GPER1: variants seen among roughly 807,000 people sequenced by gnomAD.
The protein encoded by GPER1 is G protein-coupled receptor 30.
A neutral mutation model predicts 0.6 loss-of-function variants in GPER1; 2 were observed. The ratio of observed to expected loss-of-function variants is 3.41; its 90% CI spans 1.39 to 10.72. The LOEUF (loss-of-function observed/expected upper bound fraction) is 10.72, where lower values mean the gene tolerates loss of function less well. Ranked by LOEUF, GPER1 falls within the 30% of genes most tolerant of loss-of-function variation. The pLI is 0.04. For synonymous variants in GPER1, 263 were observed against 247.6 expected (o/e 1.06, Z -0.58); for missense variants, 441 against 535.2 (o/e 0.82, Z 1.74).
chr7:1,092,208 C>G lies in GPER1; in HGVS notation c.480C>G (p.Ala160=). Residue 160 remains alanine, a synonymous_variant, in exon 2 of 2, where the codon GCC becomes GCG. Coordinates refer to ENST00000397088, the MANE Select transcript of GPER1 (RefSeq NM_001098201.3). ...WMSFDRYIAL[A]RAMRCSLFRT... is the part of the protein sequence containing the mutation. ...GCTTCGACCGCTACATCGCCCTGGC[C>G]AGGGCCATGCGCTGCAGCCTGTTCC... 6.2e-7 allele frequency: 1 copy of G among 1,613,104 alleles called. No homozygotes were observed. The highest frequency in any genetic ancestry group is 8.5e-7 in the Non-Finnish European group (1 of 1,180,040).
chr7:1,091,509 T>C lies in GPER1; in HGVS notation c.-220T>C, dbSNP rs1156975801. ...CGCGGAGGGCCCTCGCCTCCACGGA[T>C]GCACCATGCCGGTGTGAGGAGCATC... On this transcript the variant is annotated 5_prime_UTR_variant, in exon 2 of 2. The change abolishes an upstream ATG in the 5' untranslated region. Coordinates refer to ENST00000397088, the MANE Select transcript of GPER1 (RefSeq NM_001098201.3). 3.8e-6 allele frequency: 2 copies of C among 527,890 alleles called. No individual in the cohort carries two copies. The highest frequency in any genetic ancestry group is 3.8e-5 in the African/African-American group (2 of 52,468). 32.7% of individuals were successfully genotyped at this position (527,890 alleles called of 1,614,324 possible).
chr7:1,092,098 TACG>T lies in GPER1; in HGVS notation c.373_375del (p.Asp125del), dbSNP rs1788050004. ...GGTGTTCAACCTGCACGAGCGGTAC[TACG>T]ACATCGCCGTCCTGTGCACCTTCAT... On this transcript the variant is annotated inframe_deletion, in exon 2 of 2. Coordinates refer to ENST00000397088, the MANE Select transcript of GPER1 (RefSeq NM_001098201.3). The T allele has an allele frequency of 1.2e-6, 2 of 1,613,856 alleles. No homozygotes were observed. Among genetic ancestry groups the T allele is most frequent in the Non-Finnish European group, 1.7e-6 (2 of 1,180,020 alleles).
chr7:1,089,145 A>T (rs2128225259), intron 1 of GPER1, among the ~76,000 whole-genome samples: 1 of 152,366 alleles, frequency 6.6e-6, no homozygotes, highest in South Asian at 2.1e-4. Flanking sequence ...GCCGTTTTTA[A>T]GAAATTAAAT....
rs187037378 is a variant in GPER1 at position 1,092,576 on chromosome 7, T to C, written c.848T>C (p.Leu283Pro). 6.2e-7 allele frequency: 1 copy of C among 1,610,934 alleles called. No individual in the cohort carries two copies. Among genetic ancestry groups the C allele is most frequent in the Non-Finnish European group, 8.5e-7 (1 of 1,179,998 alleles). The change falls in exon 2 of 2, where the codon CTC becomes CCC. Residue 283 changes from leucine (L) to proline (P), a missense_variant. Transcript: ENST00000397088. Reference protein sequence around the residue: ...LPENVFISVHLLQRTQPGAAP... With the variant: ...LPENVFISVHPLQRTQPGAAP... ...GAGAACGTCTTCATCAGCGTGCACC[T>C]CCTGCAGCGGACGCAGCCTGGGGCC... is the stretch of plus-strand genomic sequence containing the variant.
Position 1,093,381 on chromosome 7 carries a change from G to A in GPER1, c.*525G>A, listed in dbSNP as rs185131562. 6.4e-5 allele frequency: 28 copies of A among 440,798 alleles called. No individual in the cohort carries two copies. Among genetic ancestry groups the A allele is most frequent in the Middle Eastern group, 4.3e-4 (1 of 2,310 alleles). 27.3% of individuals were successfully genotyped at this position (440,798 alleles called of 1,614,324 possible). ...GGTCTGAGCTAGCTAGCGCACCGCCGAGTTAAAGAGGAGAAGGAAAACATG... is the reference window on the plus strand; with the variant it reads ...GGTCTGAGCTAGCTAGCGCACCGCCAAGTTAAAGAGGAGAAGGAAAACATG... On this transcript the variant is annotated 3_prime_UTR_variant, in exon 2 of 2. Transcript: ENST00000397088.
chr7:1,088,978 G>A lies in GPER1; in HGVS notation c.-323+657G>A, dbSNP rs1352644949. 1.1e-4 allele frequency among the ~76,000 whole-genome samples: 16 copies of A among 151,972 alleles called. No homozygotes were observed. The highest frequency in any genetic ancestry group is 5.2e-4 in the Admixed American group (8 of 15,268). ...TACATGGGAAAGAAATGAATGACTC[G>A]TTTTTAAACTATTTTTCCCTTGGAG... On this transcript the variant is annotated intron_variant, in intron 1 of 1. Coordinates refer to ENST00000397088, the MANE Select transcript of GPER1 (RefSeq NM_001098201.3). The surrounding 1 kb of genome is among the most constrained non-coding windows in gnomAD (Gnocchi z 4.5).
chr7:1,088,645 C>T lies in GPER1; in HGVS notation c.-323+324C>T, dbSNP rs991514746. Among the ~76,000 whole-genome samples, 1 of 152,212 alleles carries T rather than the reference C, an allele frequency of 6.6e-6. No individual in the cohort carries two copies. The highest frequency in any genetic ancestry group is 1.5e-5 in the Non-Finnish European group (1 of 68,038). ...AAGAAAATGAGGGTGCCCACTCTGC[C>T]CTGCCCTGCGGTGCCCCAGTCACTC... On this transcript the variant is annotated intron_variant, in intron 1 of 1. Coordinates refer to ENST00000397088, the MANE Select transcript of GPER1 (RefSeq NM_001098201.3). The surrounding 1 kb of genome is among the most constrained non-coding windows in gnomAD (Gnocchi z 4.5).
At chr7:1,089,837 C>G (rs1282676636) in intron 1 of GPER1, among the ~76,000 whole-genome samples, 1 of 151,660 alleles carries the variant, frequency 6.6e-6, no homozygotes, top group East Asian at 1.9e-4. Context: ...AATCCCAGCA[C>G]CGTGGGAGGC....
rs1352644949 is a variant in GPER1, at chr7:1,088,978, G to C, written c.-323+657G>C. Among the ~76,000 whole-genome samples, 1 of 151,972 alleles carries C rather than the reference G, an allele frequency of 6.6e-6. No homozygotes were observed. The highest frequency in any genetic ancestry group is 2.4e-5 in the African/African-American group (1 of 41,360). On this transcript the variant is annotated intron_variant, in intron 1 of 1. Coordinates refer to ENST00000397088, the MANE Select transcript of GPER1 (RefSeq NM_001098201.3). This position sits in a 1 kb window ranked among gnomAD's most constrained non-coding sequence, Gnocchi z 4.5. ...TACATGGGAAAGAAATGAATGACTCGTTTTTAAACTATTTTTCCCTTGGAG... is the reference window on the plus strand; with the variant it reads ...TACATGGGAAAGAAATGAATGACTCCTTTTTAAACTATTTTTCCCTTGGAG...
Position 1,092,661 on chromosome 7 carries a change from C to T in GPER1, c.933C>T (p.Leu311=), listed in dbSNP as rs772524763. 1.8e-5 allele frequency: 29 copies of T among 1,613,064 alleles called. No homozygotes were observed. In the Middle Eastern group the frequency reaches 4.9e-4, roughly 27 times the overall value. Residue 311 remains leucine, a synonymous_variant, in exon 2 of 2, where the codon CTC becomes CTT. Coordinates refer to ENST00000397088, the MANE Select transcript of GPER1 (RefSeq NM_001098201.3). ...CCCTCACGGGCCACATTGTCAACCT[C>T]GCCGCCTTCTCCAACAGCTGCCTAA... ...AHPLTGHIVN[L]AAFSNSCLNP...
At position 1,093,093 on chromosome 7, in the gene GPER1, G is replaced by A. The variant is rs549783931; in HGVS notation, c.*237G>A. 20 of 674,010 alleles carry A rather than the reference G, an allele frequency of 3.0e-5. No individual in the cohort carries two copies. Among genetic ancestry groups the A allele is most frequent in the South Asian group, 1.2e-4 (8 of 66,410 alleles). The allele number at this position is 674,010 out of a possible 1,614,324, so 41.8% of individuals were successfully genotyped here. ...GCTACAATCCCAAAGCGCTCGCCCC[G>A]CAGGGTCCAAAGGCCAGCGGTGACC... On this transcript the variant is annotated 3_prime_UTR_variant, in exon 2 of 2. Transcript: ENST00000397088.
rs1179671076 is a variant in GPER1, at chr7:1,093,767, G to A, written c.*911G>A. 4.5e-6 allele frequency: 2 copies of A among 443,200 alleles called. No homozygotes were observed. The highest frequency in any genetic ancestry group is 4.9e-5 in the Admixed American group (2 of 41,160). 27.5% of individuals were successfully genotyped at this position (443,200 alleles called of 1,614,324 possible). ...ATAAAATGTAAGAAAAGCTGATGAG[G>A]CTGGTGACGTTCAGCCTTTGTCAAT... On this transcript the variant is annotated 3_prime_UTR_variant, in exon 2 of 2. Transcript: ENST00000397088.
chr7:1,090,575 C>T lies in GPER1; in HGVS notation c.-322-832C>T, dbSNP rs540052412. 5.4e-5 allele frequency among the ~76,000 whole-genome samples: 8 copies of T among 148,364 alleles called. No individual in the cohort carries two copies. The East Asian group carries it at 7.8e-4, about 14-fold the overall frequency. On this transcript the variant is annotated intron_variant, in intron 1 of 1. Coordinates refer to ENST00000397088, the MANE Select transcript of GPER1 (RefSeq NM_001098201.3). ...GCGGCAGAGCCGGGGTGACACGGGG[C>T]GGGTGACGGGACCTCTCCACTGGCG...
Position 1,093,049 on chromosome 7 carries a change from G to C in GPER1, c.*193G>C, listed in dbSNP as rs73050449. The C allele has an allele frequency of 1.1e-5, 8 of 713,146 alleles. No homozygotes were observed. The highest frequency in any genetic ancestry group is 1.8e-5 in the Non-Finnish European group (7 of 385,762). The allele number at this position is 713,146 out of a possible 1,614,324, so 44.2% of individuals were successfully genotyped here. A position where few individuals can be genotyped will look rare whatever the true frequency, so the allele number is the denominator to read the frequency against. ...AGGAAACCTCACGACTGGTCACCTTGCACTCCTCACACAGAATTGCTACAA... is the reference window on the plus strand; with the variant it reads ...AGGAAACCTCACGACTGGTCACCTTCCACTCCTCACACAGAATTGCTACAA... On this transcript the variant is annotated 3_prime_UTR_variant, in exon 2 of 2. Transcript: ENST00000397088.
At position 1,093,083 on chromosome 7, in the gene GPER1, C is replaced by T. The variant is rs1481867364; in HGVS notation, c.*227C>T. Reference sequence around the variant, plus strand: ...ACACAGAATTGCTACAATCCCAAAGCGCTCGCCCCGCAGGGTCCAAAGGCC... The same window carrying T: ...ACACAGAATTGCTACAATCCCAAAGTGCTCGCCCCGCAGGGTCCAAAGGCC... On this transcript the variant is annotated 3_prime_UTR_variant, in exon 2 of 2. Coordinates refer to ENST00000397088, the MANE Select transcript of GPER1 (RefSeq NM_001098201.3). 4 of 688,038 alleles carry T rather than the reference C, an allele frequency of 5.8e-6. No individual in the cohort carries two copies. Among genetic ancestry groups the T allele is most frequent in the East Asian group, 2.9e-5 (1 of 35,026 alleles). 42.6% of individuals were successfully genotyped at this position (688,038 alleles called of 1,614,324 possible). A position where few individuals can be genotyped will look rare whatever the true frequency, so the allele number is the denominator to read the frequency against.
In GPER1 at chr7:1,093,306, A is replaced by G. The variant is rs1788217473; in HGVS notation, c.*450A>G. ...TGGGGGAACTGACGCTGGAGATGCA[A>G]GGTGCTGGTGGGTCTGAGCTGGACG... On this transcript the variant is annotated 3_prime_UTR_variant, in exon 2 of 2. Coordinates refer to ENST00000397088, the MANE Select transcript of GPER1 (RefSeq NM_001098201.3). 2 of 427,292 alleles carry G rather than the reference A, an allele frequency of 4.7e-6. No individual in the cohort carries two copies. Among genetic ancestry groups the G allele is most frequent in the Non-Finnish European group, 9.8e-6 (2 of 203,300 alleles). 26.5% of individuals were successfully genotyped at this position (427,292 alleles called of 1,614,324 possible). A position where few individuals can be genotyped will look rare whatever the true frequency, so the allele number is the denominator to read the frequency against.
Position 1,093,503 on chromosome 7 carries a change from C to T in GPER1, c.*647C>T. 2.1e-6 allele frequency: 1 copy of T among 470,680 alleles called. No individual in the cohort carries two copies. Among genetic ancestry groups the T allele is most frequent in the Non-Finnish European group, 4.4e-6 (1 of 227,040 alleles). The allele number at this position is 470,680 out of a possible 1,614,324, so 29.2% of individuals were successfully genotyped here. A position where few individuals can be genotyped will look rare whatever the true frequency, so the allele number is the denominator to read the frequency against. On this transcript the variant is annotated 3_prime_UTR_variant, in exon 2 of 2. Coordinates refer to ENST00000397088, the MANE Select transcript of GPER1 (RefSeq NM_001098201.3). ...GCCCACGAGGAGCAGCAGCGCTCGG[C>T]CCGGAGCAGCAGGAAGGCCCCTCTG...
intron 1 of GPER1, among the ~76,000 whole-genome samples, chr7:1,091,034 T>C (rs535187592): frequency 1.8e-4 from 28 of 152,292 alleles, no homozygotes; most frequent in Admixed American, 4.6e-4. Flanking sequence ...GCTGCTGAAA[T>C]GCATTTTCCC....
At chr7:1,087,607 G>A (rs1787516047), upstream of GPER1, among the ~76,000 whole-genome samples, 1 of 152,206 alleles carries the variant, frequency 6.6e-6, no homozygotes, top group South Asian at 2.1e-4. Flanking sequence ...GGACTGTGGG[G>A]CACTCTGGAT....
Sources: gnomAD v4.1 joint callset for allele counts (sites outside exome capture counted in the v4.1 genomes callset) on GRCh38, gnomAD v4.1.1 for gene constraint, Gnocchi (gnomAD v3.1) non-coding constraint, MANE v1.5 for transcripts, NCBI Gene and HGNC (gene_info 2026-07-23, HGNC 2026-07-21) for gene names.